Variants in SMOC2 observed in about 807,000 individuals in gnomAD.
SMOC2 encodes SPARC related modular calcium binding 2.
In SMOC2, 39 loss-of-function variants were observed where a neutral mutation model predicts 61.4. The observed-to-expected ratio is 0.64, with a 90% CI of 0.49 to 0.83. SMOC2 has a LOEUF of 0.83. SMOC2 is among the 40% of genes least tolerant of loss of function. The pLI, the probability that SMOC2 is intolerant of heterozygous loss-of-function variation, is 0.00. For missense variants in SMOC2, 556 were observed against 592.9 expected, an observed-to-expected ratio of 0.94 and a Z score of 0.65; for synonymous variants, 247 against 239.9, an observed-to-expected ratio of 1.03 and a Z score of -0.27.
intron 1 of SMOC2, among the ~76,000 whole-genome samples, chr6:168,509,512 A>T (rs1054868801): frequency 6.6e-6 from 1 of 152,164 alleles, no homozygotes; most frequent in African/African-American, 2.4e-5. Flanking sequence ...CGTCACTTCC[A>T]AAAGAATGGT....
At chr6:168,570,466 G>A (rs758547423) in intron 7 of SMOC2, among the ~76,000 whole-genome samples, 16 of 152,290 alleles carry the variant, frequency 1.1e-4, no homozygotes, top group South Asian at 8.3e-4. Flanking sequence ...GGCCCAGGGC[G>A]CACTCCTGCT....
At chr6:168,595,317 G>A (rs371215934) in intron 7 of SMOC2, among the ~76,000 whole-genome samples, 175 of 152,152 alleles carry the variant, frequency 1.2e-3, no homozygotes, top group Middle Eastern at 6.8e-3. Flanking sequence ...GGCCCCATGC[G>A]CCTCCCCAAG....
chr6:168,581,573 A>G (rs1475897026), intron 7 of SMOC2, among the ~76,000 whole-genome samples: 1 of 152,238 alleles, frequency 6.6e-6, no homozygotes, highest in African/African-American at 2.4e-5. Flanking sequence ...AGGCAATGCA[A>G]TCATTGCACA....
At chr6:168,564,023 G>A (rs1784486334) in intron 7 of SMOC2, among the ~76,000 whole-genome samples, 1 of 152,152 alleles carries the variant, frequency 6.6e-6, no homozygotes, top group South Asian at 2.1e-4. Context: ...CGCAATTTAA[G>A]CAGCTTCTCA....
intron 1 of SMOC2, among the ~76,000 whole-genome samples, chr6:168,471,450 T>G (rs1292602348): frequency 6.6e-6 from 1 of 152,244 alleles, no homozygotes; most frequent in Admixed American, 6.5e-5. Flanking sequence ...TAATATTCTA[T>G]TGTATGCATA....
intron 1 of SMOC2, among the ~76,000 whole-genome samples, chr6:168,499,360 C>T (rs1782671594): frequency 1.3e-5 from 2 of 152,238 alleles, no homozygotes; most frequent in African/African-American, 4.8e-5. Flanking sequence ...TTTTCAGATA[C>T]TTCTCATTTA....
intron 2 of SMOC2, 58 bp from the exon 3 acceptor site, chr6:168,526,288 A>G (rs1273476854): frequency 9.6e-6 from 14 of 1,465,242 alleles, no homozygotes; most frequent in Non-Finnish European, 1.9e-6. Context: ...ATGTTCCTAT[A>G]TCTGTTCTAT....
intron 1 of SMOC2, among the ~76,000 whole-genome samples, chr6:168,477,899 T>A (rs975974328): frequency 6.6e-6 from 1 of 152,184 alleles, no homozygotes; most frequent in African/African-American, 2.4e-5. Flanking sequence ...ACCCACTCGA[T>A]TCTTCTTACG....
chr6:168,523,678 C>T (rs1242606643), intron 2 of SMOC2, among the ~76,000 whole-genome samples: 2 of 152,098 alleles, frequency 1.3e-5, no homozygotes, highest in African/African-American at 4.8e-5. Flanking sequence ...GGATTACAGG[C>T]ATCAACCTCC....
At chr6:168,442,081 G>A (rs1781224246) in intron 1 of SMOC2, among the ~76,000 whole-genome samples, 2 of 152,244 alleles carry the variant, frequency 1.3e-5, no homozygotes, top group South Asian at 2.1e-4. Context: ...CCTCGTAAGT[G>A]AGCCGAGGAA....
At chr6:168,491,473 A>G (rs1782469979) in intron 1 of SMOC2, among the ~76,000 whole-genome samples, 1 of 152,196 alleles carries the variant, frequency 6.6e-6, no homozygotes, top group African/African-American at 2.4e-5. Flanking sequence ...GCTTGGTCTC[A>G]TGATGATGTC....
chr6:168,563,862 T>TCGGTGTC (rs1784481991), intron 7 of SMOC2, among the ~76,000 whole-genome samples: 1 of 151,922 alleles, frequency 6.6e-6, no homozygotes, highest in Non-Finnish European at 1.5e-5. Context: ...AACCGGAGGC[T>TCGGTGTC]CGGTGTCCGT....
At chr6:168,489,679 G>A (rs191187729) in intron 1 of SMOC2, among the ~76,000 whole-genome samples, 24 of 151,044 alleles carry the variant, frequency 1.6e-4, no homozygotes, top group Admixed American at 1.4e-3. Flanking sequence ...GCATCACACT[G>A]TTTTAGAATG....
Position 168,653,009 on chromosome 6 carries a change from T to C in SMOC2, c.1066T>C (p.Phe356Leu), listed in dbSNP as rs986373622. ...AGAGGAGCGGGTGGTGCACTGGTAC[T>C]TCAAACTACTGGATAAAAACTCCAG... is the stretch of plus-strand genomic sequence containing the variant. ...TLEERVVHWY[F>L]KLLDKNSSGD... is the part of the protein sequence containing the mutation. The change falls in exon 11 of 13, where the codon TTC (phenylalanine) becomes CTC (leucine). Residue 356 changes from phenylalanine (F) to leucine (L), a missense_variant. Coordinates refer to ENST00000356284, the MANE Select transcript of SMOC2 (RefSeq NM_001166412.2). The C allele has an allele frequency of 6.2e-7, 1 of 1,614,098 alleles. No homozygotes were observed. The highest frequency in any genetic ancestry group is 1.1e-5 in the South Asian group (1 of 91,084).
intron 8 of SMOC2, among the ~76,000 whole-genome samples, chr6:168,607,627 C>T (rs556092261): frequency 2.1e-5 from 3 of 144,232 alleles, no homozygotes; most frequent in East Asian, 4.7e-4. Context: ...CGTAGCTTCA[C>T]GAGGTGGATT....
intron 9 of SMOC2, among the ~76,000 whole-genome samples, chr6:168,612,487 C>T (rs925206623): frequency 6.8e-5 from 10 of 147,806 alleles, no homozygotes; most frequent in African/African-American, 2.3e-4. Context: ...TTTACTCAAA[C>T]AGCAGTGCTG....
At chr6:168,501,811 G>A (rs897990383) in intron 1 of SMOC2, among the ~76,000 whole-genome samples, 3 of 152,208 alleles carry the variant, frequency 2.0e-5, no homozygotes, top group African/African-American at 4.8e-5. Flanking sequence ...TGAGAGGTCC[G>A]TCTTGATTCC....
intron 8 of SMOC2, among the ~76,000 whole-genome samples, 177 bp downstream of exon 8, chr6:168,599,181 CCA>C (rs796480436): frequency 1.8e-4 from 17 of 96,500 alleles, no homozygotes; most frequent in African/African-American, 5.2e-4. Context: ...TCACACACAC[CCA>C]CACACACTCA....
At chr6:168,500,211 C>G (rs2115041183) in intron 1 of SMOC2, among the ~76,000 whole-genome samples, 1 of 149,748 alleles carries the variant, frequency 6.7e-6, no homozygotes, top group South Asian at 2.1e-4. Context: ...CACTTGAACC[C>G]AGGAGGCAGA....
Sources: gnomAD v4.1 joint callset for allele counts (sites outside exome capture counted in the v4.1 genomes callset) on GRCh38, gnomAD v4.1.1 for gene constraint, MANE v1.5 for transcripts, NCBI Gene and HGNC (gene_info 2026-07-23, HGNC 2026-07-21) for gene names.